CPNE3: variants seen among roughly 807,000 people sequenced by gnomAD.
The protein encoded by CPNE3 is copine 3, also known as copine-3.
CPNE3 carries 68 observed loss-of-function variants against 63.9 expected under a neutral mutation model. The ratio of observed to expected loss-of-function variants is 1.06; its 90% CI spans 0.87 to 1.30. The LOEUF (loss-of-function observed/expected upper bound fraction) is 1.30, where lower values mean the gene tolerates loss of function less well. Among genes scored for constraint, CPNE3 ranks in the 50% most tolerant of loss-of-function variants. The probability of loss-of-function intolerance (pLI) is 0.00; values close to 1 mark genes in which losing one functional copy is unlikely to be tolerated. For synonymous variants in CPNE3, 219 were observed against 197.5 expected, an observed-to-expected ratio of 1.11 and a Z score of -0.91; for missense variants, 665 against 578.1, an observed-to-expected ratio of 1.15 and a Z score of -1.54.
chr8:86,526,578 T>G (rs1820546304), intron 2 of CPNE3, among the ~76,000 whole-genome samples: 1 of 151,986 alleles, frequency 6.6e-6, no homozygotes, highest in African/African-American at 2.4e-5. Flanking sequence ...AGTGGCATGA[T>G]CTTGGCTCAC....
intron 4 of CPNE3, among the ~76,000 whole-genome samples, chr8:86,529,859 C>T (rs1820630477): frequency 6.6e-6 from 1 of 151,770 alleles, no homozygotes; most frequent in African/African-American, 2.4e-5. Flanking sequence ...ATGTCTTTTA[C>T]AAGTTTATTT....
intron 1 of CPNE3, among the ~76,000 whole-genome samples, chr8:86,514,937 C>T (rs1012560882): frequency 4.6e-5 from 7 of 152,280 alleles, no homozygotes; most frequent in Non-Finnish European, 1.0e-4. Flanking sequence ...GGTGACAGGT[C>T]CCGAAATCGC....
intron 9 of CPNE3, 58 bp downstream of exon 9, chr8:86,544,896 G>A (rs1821014971): frequency 2.9e-6 from 3 of 1,045,444 alleles, no homozygotes; most frequent in African/African-American, 3.3e-5. Flanking sequence ...ATTTATTACT[G>A]TATTTCATTT....
chr8:86,543,612 C>T (rs1201603504), intron 8 of CPNE3, among the ~76,000 whole-genome samples: 2 of 152,068 alleles, frequency 1.3e-5, no homozygotes, highest in African/African-American at 4.8e-5. Context: ...GTCCTTAGCA[C>T]AGCGTTACTT....
At chr8:86,521,169 C>A (rs954160989) in intron 2 of CPNE3, among the ~76,000 whole-genome samples, 2 of 152,156 alleles carry the variant, frequency 1.3e-5, no homozygotes, top group African/African-American at 4.8e-5. Flanking sequence ...CTAAGACGAT[C>A]TAATGGCACC....
At chr8:86,528,395 A>AT (rs1820586228) in intron 2 of CPNE3, 141 bp from the exon 3 acceptor site, 3 of 762,574 alleles carry the variant, frequency 3.9e-6, no homozygotes, top group African/African-American at 3.5e-5. Flanking sequence ...GGAGGTGCAT[A>AT]TAACAGTCTG....
chr8:86,527,814 T>C (rs536582872), intron 2 of CPNE3, among the ~76,000 whole-genome samples: 26 of 151,920 alleles, frequency 1.7e-4, no homozygotes, highest in East Asian at 5.8e-4. Context: ...CTCAGTGTCT[T>C]GTTAAATAAA....
At chr8:86,531,357 C>T (rs113210703) in intron 5 of CPNE3, 128 bp downstream of exon 5, 1 of 667,970 alleles carries the variant, frequency 1.5e-6, no homozygotes, top group South Asian at 1.7e-5. Context: ...GCATTCCATC[C>T]ACCCATGTCT....
Position 86,551,030 on chromosome 8 carries a change from AT to A in CPNE3, c.1014-9del, listed in dbSNP as rs771559592. On this transcript the variant is annotated splice_polypyrimidine_tract_variant and intron_variant, in intron 12 of 16. Coordinates refer to ENST00000517490, the MANE Select transcript of CPNE3 (RefSeq NM_003909.5). ...TGGAAAAAACAGTATTTTATTAAAT[AT>A]TTTTTTCTTTTTAGTGATAAGATGT... The A allele has an allele frequency of 5.8e-6, 9 of 1,550,144 alleles. No homozygotes were observed. In the East Asian group the frequency reaches 9.8e-5, roughly 17 times the overall value.
At chr8:86,536,492 G>T (rs1306088076) in intron 6 of CPNE3, among the ~76,000 whole-genome samples, 1 of 151,924 alleles carries the variant, frequency 6.6e-6, no homozygotes, top group Non-Finnish European at 1.5e-5. Context: ...TCTTCTTAGA[G>T]ATAAGGTTAA....
At chr8:86,555,234 CAA>C (rs779325860) in intron 15 of CPNE3, among the ~76,000 whole-genome samples, 2 of 135,576 alleles carry the variant, frequency 1.5e-5, no homozygotes, top group Non-Finnish European at 1.6e-5. Context: ...TAGGTTCTAC[CAA>C]AAAAAAAAAA....
intron 7 of CPNE3, among the ~76,000 whole-genome samples, chr8:86,538,813 G>A (rs1039219256): frequency 2.6e-5 from 4 of 152,142 alleles, no homozygotes; most frequent in African/African-American, 9.7e-5. Flanking sequence ...CATTGATGAT[G>A]TCATGCTTGG....
Sources: gnomAD v4.1 joint callset for allele counts (sites outside exome capture counted in the v4.1 genomes callset) on GRCh38, gnomAD v4.1.1 for gene constraint, MANE v1.5 for transcripts, NCBI Gene and HGNC (gene_info 2026-07-23, HGNC 2026-07-21) for gene names.